The following ZEB1 variants were observed in gnomAD, a reference collection of about 807,000 sequenced individuals.
The protein encoded by ZEB1 is zinc finger E-box-binding homeobox 1.
ZEB1 carries 21 observed loss-of-function variants against 84.9 expected under a neutral mutation model. The ratio of observed to expected loss-of-function variants is 0.25; its 90% CI spans 0.18 to 0.36. The LOEUF (loss-of-function observed/expected upper bound fraction) is 0.36, where lower values mean the gene tolerates loss of function less well. Ranked by LOEUF, ZEB1 falls within the 10% of genes least tolerant of loss-of-function variation. The probability of loss-of-function intolerance (pLI) is 1.00; values close to 1 mark genes in which losing one functional copy is unlikely to be tolerated. For synonymous variants in ZEB1, 420 were observed against 471.1 expected (o/e 0.89, Z 1.41); for missense variants, 1,104 against 1,330.2 (o/e 0.83, Z 2.65).
chr10:31,490,780 T>C (rs1228186543), intron 2 of ZEB1, among the ~76,000 whole-genome samples: 1 of 151,812 alleles, frequency 6.6e-6, no homozygotes, highest in Admixed American at 6.6e-5. Context: ...AAGTATTATG[T>C]TGTGAGATTA....
Position 31,527,475 on chromosome 10 carries a change from A to C in ZEB1, c.*211A>C. Reference sequence around the variant, plus strand: ...CACAAAATAAATCCGGGTGTGCCTGAACCTCAGACCTAGTAATTTTTCATG... The same window carrying C: ...CACAAAATAAATCCGGGTGTGCCTGCACCTCAGACCTAGTAATTTTTCATG... On this transcript the variant is annotated 3_prime_UTR_variant, in exon 9 of 9. Transcript: ENST00000424869. 1.6e-6 allele frequency: 1 copy of C among 636,304 alleles called. No individual in the cohort carries two copies. Among genetic ancestry groups the C allele is most frequent in the Non-Finnish European group, 2.6e-6 (1 of 388,324 alleles). 39.4% of individuals were successfully genotyped at this position (636,304 alleles called of 1,614,324 possible).
At chr10:31,383,230 G>C (rs1564663777) in intron 1 of ZEB1, among the ~76,000 whole-genome samples, 1 of 152,112 alleles carries the variant, frequency 6.6e-6, no homozygotes, top group Non-Finnish European at 1.5e-5. Context: ...AATATTCTGT[G>C]ATTGCACTAT....
chr10:31,423,431 G>A (rs1264992362), intron 1 of ZEB1, among the ~76,000 whole-genome samples: 1 of 152,090 alleles, frequency 6.6e-6, no homozygotes, highest in Admixed American at 6.6e-5. Context: ...AGTAGAAATT[G>A]GGACTTGCAT....
intron 2 of ZEB1, among the ~76,000 whole-genome samples, chr10:31,479,194 A>C (rs992643128): frequency 6.6e-6 from 1 of 151,924 alleles, no homozygotes; most frequent in African/African-American, 2.4e-5. Flanking sequence ...TATACCATGA[A>C]GAAACAGAAG....
intron 6 of ZEB1, among the ~76,000 whole-genome samples, chr10:31,515,479 T>C (rs950443926): frequency 6.6e-6 from 1 of 152,136 alleles, no homozygotes; most frequent in Non-Finnish European, 1.5e-5. Context: ...GAAAAAATTA[T>C]TAACCATGAA....
chr10:31,445,372 T>A (rs535054779), intron 1 of ZEB1, among the ~76,000 whole-genome samples: 2,201 of 149,106 alleles, frequency 0.015, 56 homozygotes, highest in African/African-American at 0.054. Flanking sequence ...CAGGGACAAT[T>A]TGACTTCCTC....
chr10:31,321,158 G>T, intron 1 of ZEB1: 1 of 1,059,690 alleles, frequency 9.4e-7, no homozygotes, highest in Non-Finnish European at 1.1e-6. Flanking sequence ...TCTGGGATGC[G>T]AAACGCGAGG....
intron 2 of ZEB1, among the ~76,000 whole-genome samples, chr10:31,469,756 G>A (rs1473030756): frequency 6.6e-6 from 1 of 152,202 alleles, no homozygotes; most frequent in African/African-American, 2.4e-5. Context: ...CACCTCTGGG[G>A]GCAGGGCACA....
intron 7 of ZEB1, among the ~76,000 whole-genome samples, chr10:31,522,719 C>G (rs559681309): frequency 9.9e-5 from 15 of 152,234 alleles, no homozygotes; most frequent in Admixed American, 4.6e-4. Flanking sequence ...CCATCAATTT[C>G]TGATGGAATC....
chr10:31,515,796 G>T (rs904069078), intron 6 of ZEB1, among the ~76,000 whole-genome samples: 1 of 151,982 alleles, frequency 6.6e-6, no homozygotes, highest in Non-Finnish European at 1.5e-5. Context: ...GTCTTTTGCA[G>T]CCTGCCACAA....
At chr10:31,393,395 C>A (rs2050138811) in intron 1 of ZEB1, among the ~76,000 whole-genome samples, 1 of 152,006 alleles carries the variant, frequency 6.6e-6, no homozygotes, top group Admixed American at 6.6e-5. Context: ...GTGTTATTTT[C>A]CATGGGTATT....
intron 1 of ZEB1, among the ~76,000 whole-genome samples, chr10:31,458,847 G>A (rs1300929961): frequency 6.6e-6 from 1 of 152,118 alleles, no homozygotes; most frequent in African/African-American, 2.4e-5. Flanking sequence ...ATAGAATGCT[G>A]TGTAGCTATC....
intron 1 of ZEB1, among the ~76,000 whole-genome samples, chr10:31,456,736 TATA>T (rs1189304074): frequency 6.6e-6 from 1 of 152,110 alleles, no homozygotes; most frequent in East Asian, 1.9e-4. Flanking sequence ...CAGAGGGATA[TATA>T]ATAATACCTA....
At chr10:31,459,830 AGTGT>A (rs3086581) in intron 1 of ZEB1, among the ~76,000 whole-genome samples, 26,994 of 129,438 alleles carry the variant, frequency 0.21, 2,568 homozygotes, top group Non-Finnish European at 0.23. Context: ...TGTTCTCAGG[AGTGT>A]GTGTGTGTGT....
chr10:31,505,880 T>G (rs2068891984), intron 4 of ZEB1, among the ~76,000 whole-genome samples: 1 of 151,952 alleles, frequency 6.6e-6, no homozygotes. Flanking sequence ...TTTTAGGTAT[T>G]TATTGCTATA....
At chr10:31,380,532 C>T (rs1407451047) in intron 1 of ZEB1, among the ~76,000 whole-genome samples, 1 of 151,902 alleles carries the variant, frequency 6.6e-6, no homozygotes, top group African/African-American at 2.4e-5. Flanking sequence ...AATCTTTCCT[C>T]CCGTGGGAAA....
chr10:31,446,818 G>T, intron 1 of ZEB1, among the ~76,000 whole-genome samples: 1 of 150,880 alleles, frequency 6.6e-6, no homozygotes. Flanking sequence ...TTGCTGAGGA[G>T]AGCTTTACTT....
chr10:31,522,202 G>A (rs1306116643), intron 7 of ZEB1, among the ~76,000 whole-genome samples: 1 of 152,156 alleles, frequency 6.6e-6, no homozygotes, highest in Non-Finnish European at 1.5e-5. Context: ...AAACCTGTTT[G>A]AAGTTAGAAA....
chr10:31,379,688 T>C (rs570267889), intron 1 of ZEB1, among the ~76,000 whole-genome samples: 4 of 149,138 alleles, frequency 2.7e-5, no homozygotes, highest in African/African-American at 1.0e-4. Context: ...TCTGGCTTAA[T>C]AGATGATGTT....
Sources: allele counts gnomAD v4.1 joint callset (sites outside exome capture counted in the v4.1 genomes callset), GRCh38; gene constraint gnomAD v4.1.1; transcripts MANE v1.5; gene names NCBI Gene and HGNC (gene_info 2026-07-23, HGNC 2026-07-21).